CPO: variants seen among roughly 807,000 people sequenced by gnomAD.
CPO encodes metallocarboxypeptidase C.
Under a neutral mutation model 41.2 loss-of-function variants are expected in CPO, and 43 were observed. The ratio of observed to expected loss-of-function variants is 1.04; its 90% CI spans 0.82 to 1.35. The LOEUF is 1.35. CPO is among the 40% of genes most tolerant of loss of function. CPO has a pLI of 0.00. For missense variants in CPO, 408 were observed against 451.7 expected (o/e 0.90, Z 0.88); for synonymous variants, 178 against 162.7 (o/e 1.09, Z -0.72).
intron 1 of CPO, among the ~76,000 whole-genome samples, chr2:206,944,705 G>A (rs1378713417): frequency 2.0e-5 from 3 of 151,860 alleles, no homozygotes; most frequent in Non-Finnish European, 4.4e-5. Context: ...AAGAGCTTCT[G>A]TTAAAATTAT....
chr2:206,960,005 T>C (rs893182595), intron 5 of CPO, among the ~76,000 whole-genome samples: 1 of 152,194 alleles, frequency 6.6e-6, no homozygotes, highest in Admixed American at 6.5e-5. Context: ...TCCATCTTCT[T>C]AATGTTTGTG....
At chr2:206,960,761 C>T (rs1693463502) in intron 5 of CPO, 91 bp from the exon 6 acceptor site, 3 of 917,088 alleles carry the variant, frequency 3.3e-6, no homozygotes, top group East Asian at 2.4e-5. Context: ...TCCTAGGAAA[C>T]ATTTTTCATG....
In CPO at chr2:206,969,217, G is replaced by A; in HGVS notation, c.906G>A (p.Gly302=). 7 of 1,614,178 alleles carry A rather than the reference G, an allele frequency of 4.3e-6. No homozygotes were observed. Among genetic ancestry groups the A allele is most frequent in the Non-Finnish European group, 5.9e-6 (7 of 1,179,990 alleles). ...CAAGAGATTGGGCCCGAGACATTGG[G>A]ATTCCCTTCTCATATACGTTTGAGC... is the stretch of plus-strand genomic sequence containing the variant. ...GSSRDWARDI[G]IPFSYTFELR... is the part of the protein sequence containing the mutation. Residue 302 remains glycine (G), a synonymous_variant, in exon 9 of 9, where the codon GGG becomes GGA. Transcript: ENST00000272852.
At chr2:206,965,641 G>C (rs1389983348) in intron 7 of CPO, among the ~76,000 whole-genome samples, 1 of 152,008 alleles carries the variant, frequency 6.6e-6, no homozygotes, top group African/African-American at 2.4e-5. Flanking sequence ...AAGCTCTGCT[G>C]CCCCCACCCC....
At chr2:206,945,145 T>C (rs1693119813) in intron 1 of CPO, among the ~76,000 whole-genome samples, 2 of 152,182 alleles carry the variant, frequency 1.3e-5, no homozygotes, top group Non-Finnish European at 2.9e-5. Flanking sequence ...ATTCCCATTT[T>C]ACAAATAAAG....
chr2:206,968,832 A>G (rs1693631006), intron 8 of CPO, among the ~76,000 whole-genome samples: 1 of 152,188 alleles, frequency 6.6e-6, no homozygotes, highest in Admixed American at 6.5e-5. Context: ...CTTATGGGTC[A>G]TTTTGTTTCT....
Position 206,955,543 on chromosome 2 carries a change from C to T in CPO, c.246C>T (p.Thr82=). The T allele has an allele frequency of 6.3e-7, 1 of 1,589,090 alleles. No homozygotes were observed. Among genetic ancestry groups the T allele is most frequent in the Non-Finnish European group, 8.6e-7 (1 of 1,157,030 alleles). The change falls in exon 3 of 9, where the codon ACC becomes ACT. Residue 82 remains threonine, a synonymous_variant. Transcript: ENST00000272852. ...TQHFLGVTYE[T]HPMYYLKISQ... ...ATTTCCTAGGAGTGACCTATGAGAC[C>T]CACCCCATGTATTATCTGAAGGTGA...
intron 3 of CPO, among the ~76,000 whole-genome samples, chr2:206,957,160 G>A (rs1009975378): frequency 2.0e-5 from 3 of 151,916 alleles, no homozygotes; most frequent in African/African-American, 7.2e-5. Context: ...GGTGGAACAC[G>A]AGATCAGGAG....
Position 206,949,510 on chromosome 2 carries a change from T to C in CPO, c.69-107T>C, listed in dbSNP as rs545299908. On this transcript the variant is annotated intron_variant, in intron 1 of 8. Transcript: ENST00000272852. ...AAGACTCCAACACAGGCTTTTGTCC[T>C]CCAAGTCCTGTGCACACTGATTCTA... is the stretch of plus-strand genomic sequence containing the variant. 1.7e-5 allele frequency: 13 copies of C among 751,190 alleles called. No individual in the cohort carries two copies. In the African/African-American group the frequency reaches 2.3e-4, roughly 13 times the overall value. 46.5% of individuals were successfully genotyped at this position (751,190 alleles called of 1,614,324 possible).
chr2:206,950,521 G>A (rs36151215), intron 2 of CPO, among the ~76,000 whole-genome samples: 12 of 152,138 alleles, frequency 7.9e-5, no homozygotes, highest in African/African-American at 1.9e-4. Context: ...ACAGTGTGGC[G>A]ATTCCTCAAG....
chr2:206,965,430 C>A (rs1468880126), intron 7 of CPO, among the ~76,000 whole-genome samples: 1 of 152,044 alleles, frequency 6.6e-6, no homozygotes, highest in Admixed American at 6.5e-5. Context: ...TTTACAAAAA[C>A]CAAAAGTTTA....
In CPO at chr2:206,950,120, T is replaced by C. The variant is rs868277611; in HGVS notation, c.165+407T>C. ...CATATTTAGCTGAAAATGTATTTATTGTAGGATTTACAGGACACATGCAGT... is the reference window on the plus strand; with the variant it reads ...CATATTTAGCTGAAAATGTATTTATCGTAGGATTTACAGGACACATGCAGT... On this transcript the variant is annotated intron_variant, in intron 2 of 8. Coordinates refer to ENST00000272852, the MANE Select transcript of CPO (RefSeq NM_173077.3). Among the ~76,000 whole-genome samples, 94 of 152,320 alleles carry C rather than the reference T, an allele frequency of 6.2e-4. No individual in the cohort carries two copies. In the Middle Eastern group the frequency reaches 0.017, roughly 28 times the overall value.
chr2:206,957,819 T>G (rs1192249893), intron 3 of CPO, among the ~76,000 whole-genome samples: 4 of 152,092 alleles, frequency 2.6e-5, no homozygotes, highest in African/African-American at 7.2e-5. Flanking sequence ...GAAGGGGAAT[T>G]TGTGTAATTG....
chr2:206,941,410 T>C (rs928573089), intron 1 of CPO, among the ~76,000 whole-genome samples: 2 of 152,090 alleles, frequency 1.3e-5, no homozygotes, highest in African/African-American at 2.4e-5. Flanking sequence ...TAAAAATATG[T>C]ACTAAAATGG....
At position 206,958,994 on chromosome 2, in the gene CPO, G is replaced by A. The variant is rs185154211; in HGVS notation, c.372+589G>A. Among the ~76,000 whole-genome samples the A allele has an allele frequency of 1.2e-4, 18 of 151,976 alleles. No individual in the cohort carries two copies. The East Asian group carries it at 2.7e-3, about 23-fold the overall frequency. ...GACCTCAGGTGATCCACCTACCTCG[G>A]TCTCCCAAAGTGCTGGGATTACAGG... On this transcript the variant is annotated intron_variant, in intron 4 of 8. Coordinates refer to ENST00000272852, the MANE Select transcript of CPO (RefSeq NM_173077.3).
chr2:206,943,710 AGATAGATGATGGATAGAT>A (rs1307151773), intron 1 of CPO, among the ~76,000 whole-genome samples: 1 of 75,766 alleles, frequency 1.3e-5, no homozygotes, highest in Non-Finnish European at 3.0e-5. Flanking sequence ...ATAGATAGAT[AGATAGATGATGGATAGAT>A]GATAGATAGA....
intron 2 of CPO, among the ~76,000 whole-genome samples, chr2:206,954,556 G>A (rs986202277): frequency 6.6e-6 from 1 of 152,066 alleles, no homozygotes; most frequent in Non-Finnish European, 1.5e-5. Context: ...ACATTTTCCT[G>A]TCTTCTACTG....
rs1397153759 is a variant in CPO at position 206,969,132 on chromosome 2, A to AACTGAAAG, written c.863-41_863-40insCTGAAAGA. ...AATGGCTATAGAAATCCATTCTTCC[A>AACTGAAAG]AAGTATGACTTCTACCTCTGCCTTC... is the stretch of plus-strand genomic sequence containing the variant. On this transcript the variant is annotated intron_variant, in intron 8 of 8. Coordinates refer to ENST00000272852, the MANE Select transcript of CPO (RefSeq NM_173077.3). 2.5e-6 allele frequency: 4 copies of AACTGAAAG among 1,600,520 alleles called. No individual in the cohort carries two copies. The African/African-American group carries it at 5.4e-5, about 21-fold the overall frequency.
chr2:206,968,752 C>T (rs1279590118), intron 8 of CPO, among the ~76,000 whole-genome samples: 4 of 152,170 alleles, frequency 2.6e-5, no homozygotes, highest in Admixed American at 6.5e-5. Flanking sequence ...GAAAGGAGAG[C>T]GCTCTGTTTC....
Sources: allele counts gnomAD v4.1 joint callset (sites outside exome capture counted in the v4.1 genomes callset), GRCh38; gene constraint gnomAD v4.1.1; transcripts MANE v1.5; gene names NCBI Gene and HGNC (gene_info 2026-07-23, HGNC 2026-07-21).